Variants in EPB41L3 observed in about 807,000 individuals in gnomAD.
EPB41L3 encodes the protein erythrocyte membrane protein band 4.1 like 3.
EPB41L3 carries 57 observed loss-of-function variants against 127.1 expected under a neutral mutation model. The observed-to-expected ratio is 0.45, with a 90% confidence interval of 0.36 to 0.56. The LOEUF is 0.56. Among genes scored for constraint, EPB41L3 ranks in the 20% least tolerant of loss-of-function variants. The pLI, the probability that EPB41L3 is intolerant of heterozygous loss-of-function variation, is 0.00. For missense variants in EPB41L3, 1,273 were observed against 1,372.2 expected (o/e 0.93, Z 1.14); for synonymous variants, 572 against 549.5 (o/e 1.04, Z -0.57).
At chr18:5,512,594 G>A (rs2092579374) in intron 1 of EPB41L3, among the ~76,000 whole-genome samples, 1 of 152,198 alleles carries the variant, frequency 6.6e-6, no homozygotes, top group Non-Finnish European at 1.5e-5. Flanking sequence ...ATGGAGAATG[G>A]ATTAGGGAAC....
intron 3 of EPB41L3, among the ~76,000 whole-genome samples, chr18:5,581,956 C>T (rs779223000): frequency 1.3e-5 from 2 of 152,090 alleles, no homozygotes; most frequent in Admixed American, 1.3e-4. Context: ...ATGACTGTAC[C>T]GCTGCTCTCC....
chr18:5,560,807 C>T (rs759857388), intron 3 of EPB41L3, among the ~76,000 whole-genome samples: 142 of 152,170 alleles, frequency 9.3e-4, no homozygotes, highest in Non-Finnish European at 1.6e-3. Flanking sequence ...GGACTTACTA[C>T]CCTCTGTGGC....
rs369422508 is a variant in EPB41L3 at position 5,489,055 on chromosome 18, C to T, written c.129G>A (p.Gln43=). ...VPEPPKEEQQ[Q]ALEQFAAAAA... Reference sequence around the variant, plus strand: ...CAGCGGCGGCGAACTGCTCCAGGGCCTGCTGCTGCTCCTCCTTGGGCGGCT... The same window carrying T: ...CAGCGGCGGCGAACTGCTCCAGGGCTTGCTGCTGCTCCTCCTTGGGCGGCT... Residue 43 remains glutamine (Q), a synonymous_variant, in exon 2 of 23, where the codon CAG becomes CAA. Coordinates refer to ENST00000341928, the MANE Select transcript of EPB41L3 (RefSeq NM_012307.5). 5.6e-6 allele frequency: 9 copies of T among 1,596,092 alleles called. No homozygotes were observed. In the African/African-American group the frequency reaches 1.2e-4, roughly 22 times the overall value.
chr18:5,398,059 T>C lies in EPB41L3; in HGVS notation c.2434A>G (p.Ile812Val). 6.2e-7 allele frequency: 1 copy of C among 1,614,154 alleles called. No individual in the cohort carries two copies. Among genetic ancestry groups the C allele is most frequent in the South Asian group, 1.1e-5 (1 of 91,078 alleles). The change falls in exon 17 of 23, where the codon ATA becomes GTA. Residue 812 changes from isoleucine (I) to valine (V), a missense_variant. Physicochemically the swap from Ile to Val is conservative, Grantham distance 29 (BLOSUM62 3). Transcript: ENST00000341928. ...TGAGAAGTAGAAGTAACCCCTCCTA[T>C]GAATTCTGTTGGTTTTCGCGCAGAC... ...LESARKPTEF[I>V]GGVTSTSQSW...
At chr18:5,477,513 T>G (rs1283931028) in intron 3 of EPB41L3, among the ~76,000 whole-genome samples, 2 of 152,210 alleles carry the variant, frequency 1.3e-5, no homozygotes, top group South Asian at 4.1e-4. Flanking sequence ...CCATTCCATC[T>G]TGGTGCACAC....
upstream of EPB41L3, chr18:5,630,574 G>A (rs762212321): frequency 2.0e-6 from 1 of 509,574 alleles, no homozygotes; most frequent in Non-Finnish European, 3.9e-6. Context: ...GCTCCTGGAG[G>A]CTGGAAGGGG....
At chr18:5,550,748 T>C (rs763761369) in intron 3 of EPB41L3, among the ~76,000 whole-genome samples, 2 of 152,176 alleles carry the variant, frequency 1.3e-5, no homozygotes, top group Non-Finnish European at 2.9e-5. Flanking sequence ...GTTCCAAATG[T>C]TTGCCACTCT....
intron 8 of EPB41L3, among the ~76,000 whole-genome samples, chr18:5,430,181 C>T (rs1339450545): frequency 3.3e-5 from 5 of 152,134 alleles, no homozygotes; most frequent in Admixed American, 3.3e-4. Context: ...GGCTCCGATG[C>T]CTCCTCTTCT....
intron 16 of EPB41L3, among the ~76,000 whole-genome samples, chr18:5,404,780 CTATT>C (rs1260394710): frequency 6.6e-6 from 1 of 152,074 alleles, no homozygotes; most frequent in East Asian, 1.9e-4. Flanking sequence ...TTTGGGTTGG[CTATT>C]TAGTTTGTGT....
intron 3 of EPB41L3, among the ~76,000 whole-genome samples, chr18:5,588,492 A>T (rs2094458894): frequency 6.6e-6 from 1 of 151,010 alleles, no homozygotes; most frequent in African/African-American, 2.4e-5. Flanking sequence ...ATACACATAA[A>T]TATGTGTATA....
intron 3 of EPB41L3, among the ~76,000 whole-genome samples, chr18:5,462,731 C>T (rs934623255): frequency 1.3e-4 from 20 of 152,286 alleles, no homozygotes; most frequent in South Asian, 4.1e-4. Flanking sequence ...CTTGCTCATT[C>T]GCTCACTACC....
intron 1 of EPB41L3, among the ~76,000 whole-genome samples, chr18:5,517,891 T>G (rs1197067401): frequency 1.3e-5 from 2 of 151,954 alleles, no homozygotes; most frequent in Non-Finnish European, 2.9e-5. Flanking sequence ...TGACCACCAC[T>G]CTGGTCTGTG....
At chr18:5,424,808 C>G (rs4797212) in intron 9 of EPB41L3, among the ~76,000 whole-genome samples, 1 of 152,008 alleles carries the variant, frequency 6.6e-6, no homozygotes, top group African/African-American at 2.4e-5. Context: ...TCTCCTAATA[C>G]CTGGGCAGGA....
At chr18:5,609,472 G>A (rs2094701389) in intron 3 of EPB41L3, among the ~76,000 whole-genome samples, 1 of 152,156 alleles carries the variant, frequency 6.6e-6, no homozygotes, top group African/African-American at 2.4e-5. Context: ...CCCAGGCCTG[G>A]CCCTGCATGC....
intron 1 of EPB41L3, among the ~76,000 whole-genome samples, chr18:5,520,970 A>C (rs945801973): frequency 6.6e-6 from 1 of 152,252 alleles, no homozygotes; most frequent in Non-Finnish European, 1.5e-5. Context: ...GATGTGCTCC[A>C]TAACCCACAC....
intron 1 of EPB41L3, among the ~76,000 whole-genome samples, chr18:5,533,178 T>C (rs534672823): frequency 6.7e-4 from 102 of 152,268 alleles, no homozygotes; most frequent in African/African-American, 2.2e-3. Flanking sequence ...CTGAAAATGG[T>C]TACACAATTT....
At chr18:5,470,581 G>A (rs1433347624) in intron 3 of EPB41L3, among the ~76,000 whole-genome samples, 1 of 152,188 alleles carries the variant, frequency 6.6e-6, no homozygotes, top group Non-Finnish European at 1.5e-5. Context: ...TTTTAATGAA[G>A]ACCAAATGAG....
intron 16 of EPB41L3, 140 bp downstream of exon 16, chr18:5,406,637 C>G (rs1484558633): frequency 1.4e-6 from 1 of 703,372 alleles, no homozygotes; most frequent in Non-Finnish European, 2.3e-6. Flanking sequence ...TGTTGGAGCA[C>G]TGAGCATCTC....
At chr18:5,405,419 A>G (rs553174171) in intron 16 of EPB41L3, among the ~76,000 whole-genome samples, 28 of 152,348 alleles carry the variant, frequency 1.8e-4, no homozygotes, top group African/African-American at 6.7e-4. Flanking sequence ...AGATAAAGCA[A>G]CATGATGTCT....
Sources: allele counts gnomAD v4.1 joint callset (sites outside exome capture counted in the v4.1 genomes callset), GRCh38; gene constraint gnomAD v4.1.1; transcripts MANE v1.5; gene names NCBI Gene and HGNC (gene_info 2026-07-23, HGNC 2026-07-21).